CFAP36: variants seen among roughly 807,000 people sequenced by gnomAD.
CFAP36 encodes the protein cilia and flagella associated protein 36, also known as cilia- and flagella-associated protein 36.
In CFAP36, 37 loss-of-function variants were observed where a neutral mutation model predicts 50.5. The observed-to-expected ratio is 0.73, with a 90% confidence interval of 0.56 to 0.96. The LOEUF is 0.96. CFAP36 is among the 50% of genes least tolerant of loss of function. The pLI, the probability that CFAP36 is intolerant of heterozygous loss-of-function variation, is 0.00. For missense variants in CFAP36, 407 were observed against 396.2 expected, an observed-to-expected ratio of 1.03 and a Z score of -0.23; for synonymous variants, 138 against 128.2, an observed-to-expected ratio of 1.08 and a Z score of -0.52.
At chr2:55,532,881 G>A (rs1209570408) in intron 4 of CFAP36, among the ~76,000 whole-genome samples, 6 of 152,232 alleles carry the variant, frequency 3.9e-5, no homozygotes, top group African/African-American at 9.6e-5. Context: ...CACCTGCTTC[G>A]CAGGAAGATA....
Position 55,537,469 on chromosome 2 carries a change from A to G in CFAP36, c.538-14A>G. 7 of 1,566,660 alleles carry G rather than the reference A, an allele frequency of 4.5e-6. No individual in the cohort carries two copies. The highest frequency in any genetic ancestry group is 6.1e-6 in the Non-Finnish European group (7 of 1,148,366). ...TGTGTGTTTTTTAAAAAATTGTATT[A>G]TGGAATCCTGAAGTTATCAGAGGCT... On this transcript the variant is annotated splice_polypyrimidine_tract_variant and intron_variant, in intron 6 of 9. Transcript: ENST00000349456.
rs1684406454 is a variant in CFAP36 at position 55,533,621 on chromosome 2, G to A, written c.398-252G>A. Reference sequence around the variant, plus strand: ...GAGGCAGGAGAATCGCTTGAAGCTGGGAGGCAGAGGTTGCAGTGAGCCCAG... The same window carrying A: ...GAGGCAGGAGAATCGCTTGAAGCTGAGAGGCAGAGGTTGCAGTGAGCCCAG... On this transcript the variant is annotated intron_variant, in intron 4 of 9. Transcript: ENST00000349456. 2.0e-5 allele frequency among the ~76,000 whole-genome samples: 3 copies of A among 151,522 alleles called. No individual in the cohort carries two copies. In the South Asian group the frequency reaches 6.2e-4, roughly 32 times the overall value.
At position 55,528,980 on chromosome 2, in the gene CFAP36, CAA is replaced by C. The variant is rs760087522; in HGVS notation, c.386_387del (p.Gln129ArgfsTer8). 15 of 1,602,888 alleles carry C rather than the reference CAA, an allele frequency of 9.4e-6. No homozygotes were observed. In the East Asian group the frequency reaches 3.1e-4, roughly 34 times the overall value. Reference protein sequence around the residue: ...EMQLQAIRIIQERNGVLPDCL... With the variant: ...EMQLQAIRIIXERNGVLPDCL... ...GCAGCTGCAAGCCATTCGAATAATT[CAA>C]GAGAGAAATGGTAAAATGTTGAAGT... On this transcript the variant is annotated frameshift_variant, in exon 4 of 10. Coordinates refer to ENST00000349456, the MANE Select transcript of CFAP36 (RefSeq NM_080667.7). LOFTEE classifies it high-confidence loss of function.
intron 3 of CFAP36, among the ~76,000 whole-genome samples, chr2:55,524,422 A>ATTT (rs57908457): frequency 0.012 from 1,202 of 99,268 alleles, no homozygotes; most frequent in East Asian, 0.034. Flanking sequence ...CACATGGCTA[A>ATTT]TTTTTTTTTT....
At chr2:55,532,444 T>G (rs886512041) in intron 4 of CFAP36, among the ~76,000 whole-genome samples, 1 of 152,172 alleles carries the variant, frequency 6.6e-6, no homozygotes, top group African/African-American at 2.4e-5. Flanking sequence ...TACTTCATAC[T>G]GTTGTGTTAT....
chr2:55,527,466 C>T (rs1684238948), intron 3 of CFAP36, among the ~76,000 whole-genome samples: 1 of 152,080 alleles, frequency 6.6e-6, no homozygotes, highest in Non-Finnish European at 1.5e-5. Flanking sequence ...CCTGTAATCC[C>T]AGCTACTCAG....
intron 7 of CFAP36, among the ~76,000 whole-genome samples, chr2:55,540,751 CT>C (rs1364909288): frequency 6.6e-6 from 1 of 152,148 alleles, no homozygotes; most frequent in Admixed American, 6.5e-5. Flanking sequence ...TGGCTCATGC[CT>C]GTAATCCTAG....
intron 4 of CFAP36, 27 bp from the exon 5 acceptor site, chr2:55,533,846 T>A: frequency 6.9e-7 from 1 of 1,444,538 alleles, no homozygotes; most frequent in Admixed American, 1.9e-5. Flanking sequence ...GTTGATACTA[T>A]TTCATGTGGT....
intron 3 of CFAP36, among the ~76,000 whole-genome samples, chr2:55,527,935 C>G (rs1256495204): frequency 2.0e-5 from 3 of 151,828 alleles, no homozygotes; most frequent in African/African-American, 7.3e-5. Context: ...TTTGGGAGGC[C>G]AAGGTGGGCA....
chr2:55,519,961 C>A (rs1345411903), intron 1 of CFAP36, 45 bp downstream of exon 1: 2 of 1,575,044 alleles, frequency 1.3e-6, no homozygotes, highest in South Asian at 1.1e-5. Flanking sequence ...TCCTCTCTCA[C>A]ACCAGCGGCG....
At chr2:55,537,337 C>A (rs1169047546) in intron 6 of CFAP36, 146 bp from the exon 7 acceptor site, 3 of 545,836 alleles carry the variant, frequency 5.5e-6, no homozygotes, top group Non-Finnish European at 9.6e-6. Context: ...CACTACTGCA[C>A]TCCAGTCTGG....
At chr2:55,528,383 C>T (rs1057048645) in intron 3 of CFAP36, among the ~76,000 whole-genome samples, 2 of 151,500 alleles carry the variant, frequency 1.3e-5, no homozygotes, top group Non-Finnish European at 2.9e-5. Flanking sequence ...TATCACAATA[C>T]TGATCCTTTT....
At chr2:55,538,459 T>G (rs1684550105) in intron 7 of CFAP36, among the ~76,000 whole-genome samples, 4 of 152,114 alleles carry the variant, frequency 2.6e-5, no homozygotes, top group Non-Finnish European at 4.4e-5. Context: ...CACGCCCAGC[T>G]AATTTTATAT....
In CFAP36 at chr2:55,522,147, A is replaced by G; in HGVS notation, c.161A>G (p.His54Arg). Residue 54 changes from histidine (H) to arginine (R), a missense_variant, in exon 2 of 10, where the codon CAT becomes CGT. His to Arg is a conservative substitution (Grantham distance 29). Coordinates refer to ENST00000349456, the MANE Select transcript of CFAP36 (RefSeq NM_080667.7). ...AGCAAATTGACCTATACAGAGATTC[A>G]TCAGGAATACAAAGAACTAGTGAGT... ...EESKLTYTEI[H>R]QEYKELVEKL... The G allele has an allele frequency of 6.5e-7, 1 of 1,539,350 alleles. No individual in the cohort carries two copies. Among genetic ancestry groups the G allele is most frequent in the Non-Finnish European group, 8.9e-7 (1 of 1,126,488 alleles).
At chr2:55,529,619 G>A (rs1447775324) in intron 4 of CFAP36, among the ~76,000 whole-genome samples, 1 of 148,588 alleles carries the variant, frequency 6.7e-6, no homozygotes, top group Admixed American at 6.8e-5. Context: ...GCTTAAGATT[G>A]TTAGGACCTT....
chr2:55,520,520 T>A, intron 1 of CFAP36: 3 of 1,478,790 alleles, frequency 2.0e-6, no homozygotes, highest in Non-Finnish European at 2.7e-6. Context: ...ATTGGCGAGG[T>A]GGGGCAGGAC....
At chr2:55,542,272 T>C (rs1307847413) in intron 7 of CFAP36, among the ~76,000 whole-genome samples, 3 of 152,366 alleles carry the variant, frequency 2.0e-5, no homozygotes, top group African/African-American at 4.8e-5. Context: ...TACACATTAA[T>C]GGTACACCAT....
At chr2:55,523,277 T>C (rs1050788818) in intron 2 of CFAP36, among the ~76,000 whole-genome samples, 1 of 150,448 alleles carries the variant, frequency 6.6e-6, no homozygotes, top group African/African-American at 2.4e-5. Flanking sequence ...TAGTCGGGCA[T>C]TGTGGCAGGC....
chr2:55,523,795 T>TC lies in CFAP36; in HGVS notation c.257dup (p.Leu87SerfsTer24). ...ATCAATTTCAAGAAGCATGCACTTC[T>TC]CCTCTTGCAAAGACCCATACATCAC... On this transcript the variant is annotated frameshift_variant, in exon 3 of 10. Coordinates refer to ENST00000349456, the MANE Select transcript of CFAP36 (RefSeq NM_080667.7). LOFTEE classifies it high-confidence loss of function. The TC allele has an allele frequency of 6.2e-7, 1 of 1,609,506 alleles. No homozygotes were observed. Among genetic ancestry groups the TC allele is most frequent in the Non-Finnish European group, 8.5e-7 (1 of 1,177,090 alleles).
Sources: allele counts gnomAD v4.1 joint callset (sites outside exome capture counted in the v4.1 genomes callset), GRCh38; gene constraint gnomAD v4.1.1; transcripts MANE v1.5; gene names NCBI Gene and HGNC (gene_info 2026-07-23, HGNC 2026-07-21).